Variants in MTX2 observed in about 807,000 individuals in gnomAD.
MTX2 encodes metaxin-2.
A neutral mutation model predicts 42.3 loss-of-function variants in MTX2; 35 were observed. The observed-to-expected ratio is 0.83, with a 90% CI of 0.63 to 1.10. The LOEUF is 1.10. MTX2 is among the 50% of genes least tolerant of loss of function. The pLI, the probability that MTX2 is intolerant of heterozygous loss-of-function variation, is 0.00. For missense variants in MTX2, 307 were observed against 304.1 expected (o/e 1.01, Z -0.07); for synonymous variants, 119 against 100.9 (o/e 1.18, Z -1.08).
chr2:176,296,920 C>G lies in MTX2; in HGVS notation c.88+13C>G. On this transcript the variant is annotated intron_variant, in intron 2 of 9. Coordinates refer to ENST00000249442, the MANE Select transcript of MTX2 (RefSeq NM_006554.5). The stretch of plus-strand genomic sequence containing the variant: ...CAGCAATTGAAAGGTAAGTCTTGTT[C>G]ACAATTAAAAATGGCTTTGTATCAA... The G allele has an allele frequency of 1.2e-6, 2 of 1,610,218 alleles. No homozygotes were observed. Among genetic ancestry groups the G allele is most frequent in the Non-Finnish European group, 1.7e-6 (2 of 1,176,860 alleles).
At chr2:176,307,338 G>A (rs61396840) in intron 3 of MTX2, among the ~76,000 whole-genome samples, 41,424 of 151,960 alleles carry the variant, frequency 0.27, 6,094 homozygotes, top group African/African-American at 0.38. Flanking sequence ...AAGTCAGGTA[G>A]TGTGATGCCT....
At chr2:176,309,720 CTT>C (rs745705028) in intron 3 of MTX2, among the ~76,000 whole-genome samples, 16 of 98,528 alleles carry the variant, frequency 1.6e-4, no homozygotes, top group Admixed American at 3.1e-4. Context: ...GCAACCTCTG[CTT>C]TTTTTTTTTT....
intron 3 of MTX2, among the ~76,000 whole-genome samples, chr2:176,304,007 T>C (rs1684087460): frequency 6.6e-6 from 1 of 151,988 alleles, no homozygotes; most frequent in Non-Finnish European, 1.5e-5. Context: ...AGTAGTAAGA[T>C]GGAAAAACAA....
intron 8 of MTX2, among the ~76,000 whole-genome samples, chr2:176,329,987 CATTAAGTTA>C (rs1558945227): frequency 3.3e-5 from 5 of 151,110 alleles, no homozygotes; most frequent in African/African-American, 9.7e-5. Context: ...CCACAAGCAT[CATTAAGTTA>C]ATTAATGCCC....
chr2:176,318,416 C>T (rs1056201026), intron 3 of MTX2, among the ~76,000 whole-genome samples: 4 of 152,042 alleles, frequency 2.6e-5, no homozygotes, highest in African/African-American at 7.2e-5. Context: ...AATTATGTTA[C>T]GTGTACATAT....
intron 1 of MTX2, among the ~76,000 whole-genome samples, chr2:176,293,535 C>T (rs1693372441): frequency 6.6e-6 from 1 of 152,120 alleles, no homozygotes; most frequent in African/African-American, 2.4e-5. Context: ...AGTGAGTTCT[C>T]TCTCTGTGTT....
intron 1 of MTX2, among the ~76,000 whole-genome samples, chr2:176,293,666 A>C (rs1693376916): frequency 6.6e-6 from 1 of 152,056 alleles, no homozygotes; most frequent in African/African-American, 2.4e-5. Flanking sequence ...AGCTTCCTGC[A>C]GCTCTCACCA....
intron 3 of MTX2, among the ~76,000 whole-genome samples, chr2:176,322,249 C>T (rs1410001220): frequency 6.6e-6 from 1 of 152,088 alleles, no homozygotes; most frequent in Non-Finnish European, 1.5e-5. Flanking sequence ...GTACCCTTAA[C>T]ACTTAAGAGT....
intron 3 of MTX2, among the ~76,000 whole-genome samples, chr2:176,302,045 C>G (rs1216960049): frequency 6.6e-6 from 1 of 151,440 alleles, no homozygotes; most frequent in Non-Finnish European, 1.5e-5. Context: ...AATGTGCTAG[C>G]CGTTGCACAA....
chr2:176,337,845 T>A lies in MTX2; in HGVS notation c.*181T>A, dbSNP rs1685034556. 1 of 465,204 alleles carries A rather than the reference T, an allele frequency of 2.1e-6. No homozygotes were observed. Among genetic ancestry groups the A allele is most frequent in the African/African-American group, 2.0e-5 (1 of 49,540 alleles). The allele number at this position is 465,204 out of a possible 1,614,324, so 28.8% of individuals were successfully genotyped here. On this transcript the variant is annotated 3_prime_UTR_variant, in exon 10 of 10. Coordinates refer to ENST00000249442, the MANE Select transcript of MTX2 (RefSeq NM_006554.5). ...GTGTATACATTAAAATAATTCTGAA[T>A]TATTTAATCTGATATGTTGTATTCT...
At chr2:176,318,539 T>C (rs1684499977) in intron 3 of MTX2, among the ~76,000 whole-genome samples, 1 of 152,190 alleles carries the variant, frequency 6.6e-6, no homozygotes, top group Non-Finnish European at 1.5e-5. Flanking sequence ...TAAGAATACA[T>C]TTGCCTCCTC....
chr2:176,281,341 A>G (rs891300101), intron 1 of MTX2, among the ~76,000 whole-genome samples: 1 of 152,182 alleles, frequency 6.6e-6, no homozygotes. Context: ...CTCTGGAAGC[A>G]TCTTCACTTG....
Position 176,295,411 on chromosome 2 carries a change from T to G in MTX2, c.41-1449T>G, listed in dbSNP as rs531547334. 7.2e-5 allele frequency among the ~76,000 whole-genome samples: 11 copies of G among 152,306 alleles called. No individual in the cohort carries two copies. The South Asian group carries it at 2.3e-3, about 32-fold the overall frequency. On this transcript the variant is annotated intron_variant, in intron 1 of 9. Transcript: ENST00000249442. ...TTGTTTCCTTTTATTTAAAAAACTG[T>G]TATACAAGTTAATTGGGTTCTTATT... is the stretch of plus-strand genomic sequence containing the variant.
rs544451274 is a variant in MTX2, at chr2:176,271,285, A to G, written c.40+1616A>G. Among the ~76,000 whole-genome samples, 114 of 152,356 alleles carry G rather than the reference A, an allele frequency of 7.5e-4. 1 individual carries two copies. The Middle Eastern group carries it at 0.014, about 18-fold the overall frequency. ...AAAGATCTAAATATAAAACAACAAA[A>G]TTGTAATAAAATAATTAGAGGAAAA... On this transcript the variant is annotated intron_variant, in intron 1 of 9. Coordinates refer to ENST00000249442, the MANE Select transcript of MTX2 (RefSeq NM_006554.5).
At chr2:176,276,314 A>T (rs572959457) in intron 1 of MTX2, among the ~76,000 whole-genome samples, 1 of 152,344 alleles carries the variant, frequency 6.6e-6, no homozygotes, top group East Asian at 1.9e-4. Flanking sequence ...GGTATAGGTC[A>T]TATTGGCGGT....
intron 1 of MTX2, among the ~76,000 whole-genome samples, chr2:176,280,876 A>G (rs973990370): frequency 1.3e-5 from 2 of 152,252 alleles, no homozygotes; most frequent in African/African-American, 4.8e-5. Context: ...AGCGTCATGG[A>G]CAAGGATAGT....
At chr2:176,290,488 A>G (rs925733344) in intron 1 of MTX2, among the ~76,000 whole-genome samples, 1 of 152,190 alleles carries the variant, frequency 6.6e-6, no homozygotes, top group Non-Finnish European at 1.5e-5. Context: ...AGATGTATGT[A>G]GGAGCAAGGG....
intron 1 of MTX2, among the ~76,000 whole-genome samples, chr2:176,284,525 T>C (rs1366413383): frequency 6.6e-6 from 1 of 152,208 alleles, no homozygotes; most frequent in Admixed American, 6.5e-5. Context: ...TACTAACTTA[T>C]TTTTACTTTC....
rs572112798 is a variant in MTX2 at position 176,278,016 on chromosome 2, T to C, written c.40+8347T>C. Among the ~76,000 whole-genome samples, 17 of 150,896 alleles carry C rather than the reference T, an allele frequency of 1.1e-4. 1 individual carries two copies. The South Asian group carries it at 3.2e-3, about 28-fold the overall frequency. ...CAGTGGATCCTGTATTTTATTATACTGTATTGCTGAATAGGTTGAAACTGG... is the reference window on the plus strand; with the variant it reads ...CAGTGGATCCTGTATTTTATTATACCGTATTGCTGAATAGGTTGAAACTGG... On this transcript the variant is annotated intron_variant, in intron 1 of 9. Coordinates refer to ENST00000249442, the MANE Select transcript of MTX2 (RefSeq NM_006554.5).
Sources: gnomAD v4.1 joint callset for allele counts (sites outside exome capture counted in the v4.1 genomes callset) on GRCh38, gnomAD v4.1.1 for gene constraint, MANE v1.5 for transcripts, NCBI Gene and HGNC (gene_info 2026-07-23, HGNC 2026-07-21) for gene names.